Variants in SEMA4F observed in about 807,000 individuals in gnomAD.
SEMA4F encodes the protein ssemaphorin 4F.
A neutral mutation model predicts 78.4 loss-of-function variants in SEMA4F; 51 were observed. The observed-to-expected ratio is 0.65, with a 90% confidence interval of 0.52 to 0.82. SEMA4F has a LOEUF of 0.82. Among genes scored for constraint, SEMA4F ranks in the 40% least tolerant of loss-of-function variants. The probability of loss-of-function intolerance (pLI) is 0.00; values close to 1 mark genes in which losing one functional copy is unlikely to be tolerated. For synonymous variants in SEMA4F, 418 were observed against 408.7 expected (o/e 1.02, Z -0.27); for missense variants, 938 against 1,014.4 (o/e 0.92, Z 1.02).
At chr2:74,665,713 G>T (rs1684657842) in intron 5 of SEMA4F, among the ~76,000 whole-genome samples, 1 of 152,074 alleles carries the variant, frequency 6.6e-6, no homozygotes, top group Admixed American at 6.6e-5. Flanking sequence ...AAACAATTTA[G>T]TGGATAGTTT....
intron 13 of SEMA4F, 123 bp downstream of exon 13, chr2:74,679,457 C>A: frequency 6.8e-7 from 1 of 1,476,156 alleles, no homozygotes; most frequent in South Asian, 1.2e-5. Context: ...CCAGGAACCT[C>A]GGGCCTTAGC....
chr2:74,678,644 T>C (rs542382284), intron 12 of SEMA4F, among the ~76,000 whole-genome samples: 3 of 152,336 alleles, frequency 2.0e-5, no homozygotes, highest in East Asian at 1.9e-4. Context: ...CAGTGAGCAG[T>C]CCATCTTGCT....
chr2:74,665,896 ATT>A (rs1170487569), intron 5 of SEMA4F, among the ~76,000 whole-genome samples: 1 of 147,946 alleles, frequency 6.8e-6, no homozygotes, highest in Non-Finnish European at 1.5e-5. Context: ...TCAAGCAGTA[ATT>A]TTTGTTTTTT....
Position 74,658,073 on chromosome 2 carries a change from A to G in SEMA4F, c.456+122A>G, listed in dbSNP as rs977578400. 1 of 835,288 alleles carries G rather than the reference A, an allele frequency of 1.2e-6. No homozygotes were observed. The highest frequency in any genetic ancestry group is 2.0e-6 in the Non-Finnish European group (1 of 498,352). The allele number at this position is 835,288 out of a possible 1,614,324, so 51.7% of individuals were successfully genotyped here. A position where few individuals can be genotyped will look rare whatever the true frequency, so the allele number is the denominator to read the frequency against. ...ACCATGATGGGGGCATGGTCAAGGC[A>G]ACCATTGTGCATGATAAGCATTGGG... is the stretch of plus-strand genomic sequence containing the variant. On this transcript the variant is annotated intron_variant, in intron 4 of 13. Coordinates refer to ENST00000357877, the MANE Select transcript of SEMA4F (RefSeq NM_004263.5). This position sits in a 1 kb window ranked among gnomAD's most constrained non-coding sequence, Gnocchi z 4.3.
At chr2:74,669,861 T>C (rs1051965697) in intron 5 of SEMA4F, among the ~76,000 whole-genome samples, 8 of 152,196 alleles carry the variant, frequency 5.3e-5, no homozygotes, top group Non-Finnish European at 1.0e-4. Context: ...TGTCTTTTTT[T>C]TTGTATTTTC....
chr2:74,677,966 G>A lies in SEMA4F; in HGVS notation c.1644-1310G>A, dbSNP rs1269198267. On this transcript the variant is annotated intron_variant, in intron 12 of 13. Coordinates refer to ENST00000357877, the MANE Select transcript of SEMA4F (RefSeq NM_004263.5). ...TTCTGATATTTGTCATGAATTATAA[G>A]TGTAAAATCTTATGCCGTCTCTTGA... Among the ~76,000 whole-genome samples the A allele has an allele frequency of 6.6e-5, 10 of 152,212 alleles. 1 individual carries two copies.
the SEMA4F span, among the ~76,000 whole-genome samples, chr2:74,704,844 A>C: frequency 6.6e-6 from 1 of 152,138 alleles, no homozygotes; most frequent in African/African-American, 2.4e-5. Context: ...CATTTCTGCT[A>C]GCCCTGGAAT....
chr2:74,677,142 T>C lies in SEMA4F; in HGVS notation c.1643+1233T>C, dbSNP rs145643332. Among the ~76,000 whole-genome samples, 270 of 152,212 alleles carry C rather than the reference T, an allele frequency of 1.8e-3. 1 individual carries two copies. The highest frequency in any genetic ancestry group is 5.9e-3 in the African/African-American group (243 of 41,474). On this transcript the variant is annotated intron_variant, in intron 12 of 13. Transcript: ENST00000357877. ...GTCTGGAACTCCTGACCTCAAGCAATCCACTTGCCTTGGCCTCCCAAAGTG... is the reference window on the plus strand; with the variant it reads ...GTCTGGAACTCCTGACCTCAAGCAACCCACTTGCCTTGGCCTCCCAAAGTG...
chr2:74,692,593 TG>T, the SEMA4F span, among the ~76,000 whole-genome samples: 1 of 152,126 alleles, frequency 6.6e-6, no homozygotes, highest in Non-Finnish European at 1.5e-5. Context: ...TCAGGCAAGG[TG>T]GGCAGGCTTC....
chr2:74,662,681 C>T (rs1162947681), intron 4 of SEMA4F, 51 bp from the exon 5 acceptor site: 1 of 1,461,550 alleles, frequency 6.8e-7, no homozygotes, highest in Admixed American at 1.7e-5. Flanking sequence ...TAATTCTCAC[C>T]ATGAACCTTC....
Position 74,675,052 on chromosome 2 carries a change from T to G in SEMA4F, c.1149+17T>G. The G allele has an allele frequency of 6.2e-7, 1 of 1,613,968 alleles. No individual in the cohort carries two copies. The highest frequency in any genetic ancestry group is 1.1e-5 in the South Asian group (1 of 91,080). On this transcript the variant is annotated intron_variant, in intron 9 of 13. Coordinates refer to ENST00000357877, the MANE Select transcript of SEMA4F (RefSeq NM_004263.5). ...CCTGGAGAGGTGAGGGGGCAGATCT[T>G]CATTCTAGGCCTGAAGTCAAGAGCT...
rs1482739057 is a variant in SEMA4F at position 74,679,330 on chromosome 2, T to C, written c.1698T>C (p.Pro566=). The C allele has an allele frequency of 6.2e-7, 1 of 1,611,304 alleles. No individual in the cohort carries two copies. The highest frequency in any genetic ancestry group is 1.7e-5 in the Admixed American group (1 of 59,996). The stretch of plus-strand genomic sequence containing the variant: ...TCTCCTCTTTGTGTCCTAAAGAGCC[T>C]GGAGGTCTGTATGGTCTGTATGGAT... The part of the protein sequence containing the change: ...ADVSSLCPKE[P]GERPVVFEVP... Residue 566 remains proline, a synonymous_variant, in exon 13 of 14, where the codon CCT becomes CCC. Coordinates refer to ENST00000357877, the MANE Select transcript of SEMA4F (RefSeq NM_004263.5).
In SEMA4F at chr2:74,654,313, T is replaced by TA; in HGVS notation, c.-63dup. 7.3e-7 allele frequency: 1 copy of TA among 1,378,042 alleles called. No homozygotes were observed. Among genetic ancestry groups the TA allele is most frequent in the South Asian group, 1.6e-5 (1 of 61,100 alleles). 85.4% of individuals were successfully genotyped at this position (1,378,042 alleles called of 1,614,324 possible). A position where few individuals can be genotyped will look rare whatever the true frequency, so the allele number is the denominator to read the frequency against. On this transcript the variant is annotated 5_prime_UTR_variant, in exon 1 of 14. Transcript: ENST00000357877. ...AGGACCCGAGTGGGGCCGAGGCCAG[T>TA]AGCCCCGGGGCCCTGAGCAGAGGCC...
chr2:74,687,060 G>A (rs890092131), downstream of SEMA4F, among the ~76,000 whole-genome samples: 7 of 151,890 alleles, frequency 4.6e-5, no homozygotes, highest in South Asian at 2.1e-4. Flanking sequence ...ATCACTTCCC[G>A]TTACAATTAG....
chr2:74,654,505 C>G lies in SEMA4F; in HGVS notation c.129C>G (p.Thr43=), dbSNP rs28720761. 6.5e-5 allele frequency: 103 copies of G among 1,573,198 alleles called. 1 individual carries two copies. In the African/African-American group the frequency reaches 1.2e-3, roughly 19 times the overall value. The change falls in exon 1 of 14, where the codon ACC becomes ACG. Residue 43 remains threonine, a synonymous_variant. Coordinates refer to ENST00000357877, the MANE Select transcript of SEMA4F (RefSeq NM_004263.5). The part of the protein sequence containing the change: ...SGRVPRSVPR[T]SLPISEADSC... Reference sequence around the variant, plus strand: ...GCGTCCCCCGCTCGGTGCCCAGAACCTCGCTTCCAATCTCTGGTAAGGCGC... The same window carrying G: ...GCGTCCCCCGCTCGGTGCCCAGAACGTCGCTTCCAATCTCTGGTAAGGCGC...
In SEMA4F at chr2:74,657,475, G is replaced by A. The variant is rs1008654923; in HGVS notation, c.298-90G>A. 11 of 1,254,698 alleles carry A rather than the reference G, an allele frequency of 8.8e-6. No homozygotes were observed. In the Admixed American group the frequency reaches 1.2e-4, roughly 14 times the overall value. 77.7% of individuals were successfully genotyped at this position (1,254,698 alleles called of 1,614,324 possible). A position where few individuals can be genotyped will look rare whatever the true frequency, so the allele number is the denominator to read the frequency against. On this transcript the variant is annotated intron_variant, in intron 2 of 13. Coordinates refer to ENST00000357877, the MANE Select transcript of SEMA4F (RefSeq NM_004263.5). The stretch of plus-strand genomic sequence containing the variant: ...GGACTTTTGAAGTTCCCAAATTGAT[G>A]GAGGTTATAGAACAGTTTAATCTCC...
the SEMA4F span, among the ~76,000 whole-genome samples, chr2:74,692,390 G>T: frequency 6.6e-6 from 1 of 152,120 alleles, no homozygotes; most frequent in South Asian, 2.1e-4. Flanking sequence ...ACATATGGGG[G>T]ACATTTAAGG....
intron 5 of SEMA4F, among the ~76,000 whole-genome samples, chr2:74,666,025 A>T (rs893967683): frequency 6.6e-6 from 1 of 151,864 alleles, no homozygotes. Context: ...GTCCTGCCTC[A>T]GCCTCCTGAG....
chr2:74,671,992 T>G (rs1425851341), intron 5 of SEMA4F, among the ~76,000 whole-genome samples: 1 of 152,224 alleles, frequency 6.6e-6, no homozygotes, highest in Non-Finnish European at 1.5e-5. Flanking sequence ...CCTTTCACTC[T>G]TGCCTGGACT....
Sources: gnomAD v4.1 joint callset for allele counts (sites outside exome capture counted in the v4.1 genomes callset) on GRCh38, gnomAD v4.1.1 for gene constraint, Gnocchi (gnomAD v3.1) non-coding constraint, MANE v1.5 for transcripts, NCBI Gene and HGNC (gene_info 2026-07-23, HGNC 2026-07-21) for gene names.